GPRC6A: variants seen among roughly 807,000 people sequenced by gnomAD.
The protein encoded by GPRC6A is G protein-coupled receptor class C group 6 member A.
In GPRC6A, 54 loss-of-function variants were observed where a neutral mutation model predicts 47.0. That is an observed-to-expected ratio of 1.15 (90% confidence interval 0.92 to 1.44). The LOEUF is 1.44. GPRC6A is among the 40% of genes most tolerant of loss of function. The probability of loss-of-function intolerance (pLI) is 0.00; values close to 1 mark genes in which losing one functional copy is unlikely to be tolerated. For missense variants in GPRC6A, 1,112 were observed against 1,105.5 expected, an observed-to-expected ratio of 1.01 and a Z score of -0.08; for synonymous variants, 347 against 377.1, an observed-to-expected ratio of 0.92 and a Z score of 0.93.
chr6:116,800,814 A>G lies in GPRC6A; in HGVS notation c.1336-18T>C. On this transcript the variant is annotated intron_variant, in intron 3 of 5. Transcript: ENST00000310357. Reference sequence around the variant, plus strand: ...CCAAGTAACTATAAAAAATAAAAACAGAGATAAGCACTTAATATAAATGTT... The same window carrying G: ...CCAAGTAACTATAAAAAATAAAAACGGAGATAAGCACTTAATATAAATGTT... 6.9e-7 allele frequency: 1 copy of G among 1,455,944 alleles called. No homozygotes were observed. Among genetic ancestry groups the G allele is most frequent in the Non-Finnish European group, 9.6e-7 (1 of 1,042,538 alleles). 90.2% of individuals were successfully genotyped at this position (1,455,944 alleles called of 1,614,324 possible).
intron 1 of GPRC6A, among the ~76,000 whole-genome samples, chr6:116,823,386 C>T (rs1773571321): frequency 6.6e-6 from 1 of 152,092 alleles, no homozygotes; most frequent in South Asian, 2.1e-4. Context: ...GCAAAGATAA[C>T]CTTTACTCCA....
chr6:116,800,540 A>G (rs529197189), intron 4 of GPRC6A, 44 bp downstream of exon 4: 14 of 1,219,666 alleles, frequency 1.1e-5, no homozygotes, highest in East Asian at 2.3e-5. Flanking sequence ...CAGTTGAGGT[A>G]CCAATTGCTT....
chr6:116,810,801 A>C (rs563108066), intron 1 of GPRC6A, among the ~76,000 whole-genome samples: 1 of 152,108 alleles, frequency 6.6e-6, no homozygotes, highest in Admixed American at 6.5e-5. Flanking sequence ...TCAATTAAAA[A>C]AGAGAAGTAA....
rs1439159775 is a variant in GPRC6A at position 116,809,513 on chromosome 6, T to C, written c.299A>G (p.Tyr100Cys). 1 of 1,613,454 alleles carries C rather than the reference T, an allele frequency of 6.2e-7. No homozygotes were observed. The highest frequency in any genetic ancestry group is 8.5e-7 in the Non-Finnish European group (1 of 1,179,570). ...CACTGTGACTTCTGTACAAGTGTCATAGATTTCATACCCCAGTTTGACTCC... is the reference window on the plus strand; with the variant it reads ...CACTGTGACTTCTGTACAAGTGTCACAGATTTCATACCCCAGTTTGACTCC... ...LPGVKLGYEI[Y>C]DTCTEVTVAM... The change falls in exon 2 of 6, where the codon TAT (tyrosine) becomes TGT (cysteine). Residue 100 changes from tyrosine to cysteine, a missense_variant. Coordinates refer to ENST00000310357, the MANE Select transcript of GPRC6A (RefSeq NM_148963.4).
At chr6:116,824,244 A>G (rs146318765) in intron 1 of GPRC6A, among the ~76,000 whole-genome samples, 1,675 of 152,164 alleles carry the variant, frequency 0.011, 28 homozygotes, top group Admixed American at 0.04. Context: ...GAAATAATAA[A>G]GTTCTAGCAG....
intron 1 of GPRC6A, among the ~76,000 whole-genome samples, chr6:116,828,331 G>T (rs1307032360): frequency 6.6e-6 from 1 of 151,980 alleles, no homozygotes; most frequent in Non-Finnish European, 1.5e-5. Flanking sequence ...GTTGAGGAGG[G>T]TCTTAATTTA....
chr6:116,792,188 G>T lies in GPRC6A; in HGVS notation c.2735C>A (p.Thr912Lys). Reference sequence around the variant, plus strand: ...TCGAGGCAAAGTTTTAGATACACTTGTGGCATTTTCCCTGCATATGTGTGC... The same window carrying T: ...TCGAGGCAAAGTTTTAGATACACTTTTGGCATTTTCCCTGCATATGTGTGC... Reference protein sequence around the residue: ...AFAHICRENATSVSKTLPRKR... With the variant: ...AFAHICRENAKSVSKTLPRKR... The change falls in exon 6 of 6, where the codon ACA becomes AAA. Residue 912 changes from threonine (T) to lysine (K), a missense_variant. Coordinates refer to ENST00000310357, the MANE Select transcript of GPRC6A (RefSeq NM_148963.4). 1 of 1,613,882 alleles carries T rather than the reference G, an allele frequency of 6.2e-7. No individual in the cohort carries two copies. Among genetic ancestry groups the T allele is most frequent in the Middle Eastern group, 1.7e-4 (1 of 6,052 alleles).
intron 1 of GPRC6A, among the ~76,000 whole-genome samples, chr6:116,813,918 A>G (rs191945617): frequency 2.0e-5 from 3 of 152,338 alleles, no homozygotes; most frequent in Admixed American, 6.5e-5. Flanking sequence ...ACAAGAAAAA[A>G]CAACCCCTTC....
chr6:116,827,606 A>C (rs931150460), intron 1 of GPRC6A, among the ~76,000 whole-genome samples: 7 of 152,058 alleles, frequency 4.6e-5, no homozygotes, highest in Non-Finnish European at 1.0e-4. Context: ...ATTTTTTAAA[A>C]TAGGAAATTT....
chr6:116,816,372 C>G (rs1582471909), intron 1 of GPRC6A, among the ~76,000 whole-genome samples: 1 of 152,350 alleles, frequency 6.6e-6, no homozygotes, highest in South Asian at 2.1e-4. Flanking sequence ...ATCCCAAACC[C>G]AGCAGCGCAA....
At chr6:116,815,073 T>C (rs183423520) in intron 1 of GPRC6A, among the ~76,000 whole-genome samples, 214 of 152,240 alleles carry the variant, frequency 1.4e-3, no homozygotes, top group Non-Finnish European at 2.3e-3. Context: ...CCCAGATTCA[T>C]AAAGCAAAAA....
intron 1 of GPRC6A, among the ~76,000 whole-genome samples, chr6:116,810,787 A>T (rs1210023871): frequency 1.3e-5 from 2 of 152,072 alleles, no homozygotes; most frequent in Non-Finnish European, 2.9e-5. Context: ...TTAACATTAC[A>T]ATTTCAATTA....
chr6:116,817,731 A>G lies in GPRC6A; in HGVS notation c.195-8114T>C, dbSNP rs966507446. Reference sequence around the variant, plus strand: ...GCCAAGGCTCGAGAACTACGTGAAGAATGCAGAAGCCTCAGGAGCCGATGC... The same window carrying G: ...GCCAAGGCTCGAGAACTACGTGAAGGATGCAGAAGCCTCAGGAGCCGATGC... On this transcript the variant is annotated intron_variant, in intron 1 of 5. Transcript: ENST00000310357. 3.6e-3 allele frequency among the ~76,000 whole-genome samples: 544 copies of G among 152,316 alleles called. 5 individuals are homozygous for G. Among genetic ancestry groups the G allele is most frequent in the African/African-American group, 0.013 (528 of 41,558 alleles).
At chr6:116,818,029 A>T (rs1773290941) in intron 1 of GPRC6A, among the ~76,000 whole-genome samples, 1 of 152,132 alleles carries the variant, frequency 6.6e-6, no homozygotes, top group African/African-American at 2.4e-5. Flanking sequence ...AAATACAGAG[A>T]ACGCCACAAA....
chr6:116,815,855 C>A (rs938146706), intron 1 of GPRC6A, among the ~76,000 whole-genome samples: 1 of 152,188 alleles, frequency 6.6e-6, no homozygotes, highest in Non-Finnish European at 1.5e-5. Context: ...TCCCTTCTCA[C>A]ATTGCTATAA....
At chr6:116,797,198 A>G (rs1772517592) in intron 4 of GPRC6A, among the ~76,000 whole-genome samples, 1 of 152,100 alleles carries the variant, frequency 6.6e-6, no homozygotes, top group African/African-American at 2.4e-5. Flanking sequence ...CCATGTCCCT[A>G]CAAAGGACAT....
intron 1 of GPRC6A, among the ~76,000 whole-genome samples, chr6:116,823,432 C>T (rs929346478): frequency 2.6e-5 from 4 of 152,126 alleles, no homozygotes; most frequent in African/African-American, 9.7e-5. Context: ...TTTGAGACCT[C>T]TTCAGCCTGA....
At chr6:116,799,825 T>G (rs775883182) in intron 4 of GPRC6A, among the ~76,000 whole-genome samples, 1 of 152,098 alleles carries the variant, frequency 6.6e-6, no homozygotes, top group Non-Finnish European at 1.5e-5. Flanking sequence ...AGTAATGTCT[T>G]TGAATAAGTG....
chr6:116,792,555 T>G lies in GPRC6A; in HGVS notation c.2368A>C (p.Ile790Leu). 6.2e-7 allele frequency: 1 copy of G among 1,612,718 alleles called. No individual in the cohort carries two copies. Among genetic ancestry groups the G allele is most frequent in the Non-Finnish European group, 8.5e-7 (1 of 1,179,160 alleles). ...EAKFITFGML[I>L]YFIAWITFIP... ...AATGTGATCCAAGCTATGAAGTAAA[T>G]GAGCATGCCAAATGTAATGAATTTG... The change falls in exon 6 of 6, where the codon ATT (isoleucine) becomes CTT (leucine). Residue 790 changes from isoleucine (I) to leucine (L), a missense_variant. By Grantham distance (5) the Ile-to-Leu change is conservative (BLOSUM62 2). Coordinates refer to ENST00000310357, the MANE Select transcript of GPRC6A (RefSeq NM_148963.4).
Sources: allele counts gnomAD v4.1 joint callset (sites outside exome capture counted in the v4.1 genomes callset), GRCh38; gene constraint gnomAD v4.1.1; transcripts MANE v1.5; gene names NCBI Gene and HGNC (gene_info 2026-07-23, HGNC 2026-07-21).